ELF2: variants seen among roughly 807,000 people sequenced by gnomAD.
ELF2 encodes ETS-related transcription factor Elf-2.
Under a neutral mutation model 54.8 loss-of-function variants are expected in ELF2, and 11 were observed. The observed-to-expected ratio is 0.20, with a 90% CI of 0.13 to 0.33. The LOEUF is 0.33. ELF2 is among the 10% of genes least tolerant of loss of function. The pLI is 1.00. For missense variants in ELF2, 513 were observed against 703.0 expected (o/e 0.73, Z 3.06); for synonymous variants, 203 against 245.1 (o/e 0.83, Z 1.61).
intron 4 of ELF2, among the ~76,000 whole-genome samples, chr4:139,073,997 A>T (rs547682886): frequency 6.6e-6 from 1 of 152,210 alleles, no homozygotes; most frequent in South Asian, 2.1e-4. Flanking sequence ...GCGTGGTGGC[A>T]CATGCCTGTA....
At position 139,139,426 on chromosome 4, in the gene ELF2, A is replaced by G; in HGVS notation, c.-180T>C. 3 of 1,229,146 alleles carry G rather than the reference A, an allele frequency of 2.4e-6. No individual in the cohort carries two copies. The highest frequency in any genetic ancestry group is 3.1e-4 in the Middle Eastern group (1 of 3,194). 76.1% of individuals were successfully genotyped at this position (1,229,146 alleles called of 1,614,324 possible). ...AATTTTACTTACAGTTTGTATGTTA[A>G]GTAGTCTAAGCATCCTTCACTATTT... On this transcript the variant is annotated 5_prime_UTR_variant, in exon 2 of 10. Coordinates refer to ENST00000686138, the MANE Select transcript of ELF2 (RefSeq NM_001331036.3).
chr4:139,094,423 T>C (rs548960347), intron 4 of ELF2, among the ~76,000 whole-genome samples: 2 of 152,292 alleles, frequency 1.3e-5, no homozygotes, highest in Admixed American at 6.5e-5. Context: ...TTGGAGTGGT[T>C]TGCAGCACGA....
At chr4:139,171,633 A>C (rs572163450) in intron 1 of ELF2, among the ~76,000 whole-genome samples, 2 of 151,616 alleles carry the variant, frequency 1.3e-5, no homozygotes, top group East Asian at 3.9e-4. Flanking sequence ...CAACAAATTA[A>C]CAAAATCAGG....
chr4:139,090,224 G>C lies in ELF2; in HGVS notation c.239-16657C>G, dbSNP rs78540305. ...CTATAGGCACACACCACCACACCCA[G>C]CTTATCAGTACAATTTTAATTTGAT... On this transcript the variant is annotated intron_variant, in intron 4 of 9. Transcript: ENST00000686138. 3.3e-3 allele frequency among the ~76,000 whole-genome samples: 510 copies of C among 152,250 alleles called. 3 individuals carry two copies. The highest frequency in any genetic ancestry group is 0.011 in the African/African-American group (474 of 41,526).
chr4:139,150,964 C>CAGCGAGCCG (rs1671976454), intron 1 of ELF2, among the ~76,000 whole-genome samples: 1 of 121,050 alleles, frequency 8.3e-6, no homozygotes, highest in Non-Finnish European at 1.8e-5. Context: ...GGCGAGCTTG[C>CAGCGAGCCG]AGTGAGCCGA....
chr4:139,171,252 G>A (rs1480532598), intron 1 of ELF2, among the ~76,000 whole-genome samples: 2 of 152,112 alleles, frequency 1.3e-5, no homozygotes, highest in East Asian at 1.9e-4. Context: ...AAATTAACCG[G>A]GCATGGTGGT....
At chr4:139,155,565 T>G (rs562928385) in intron 1 of ELF2, 1 of 152,270 alleles carries the variant, frequency 6.6e-6, no homozygotes, top group South Asian at 2.1e-4. Flanking sequence ...GACAACATAG[T>G]GAGACTGCAT....
At chr4:139,107,332 A>T (rs1734515453) in intron 4 of ELF2, among the ~76,000 whole-genome samples, 1 of 152,188 alleles carries the variant, frequency 6.6e-6, no homozygotes, top group East Asian at 1.9e-4. Flanking sequence ...TTCACAGACA[A>T]CTACCCTCTT....
intron 1 of ELF2, among the ~76,000 whole-genome samples, chr4:139,160,829 G>T (rs1741060549): frequency 6.6e-6 from 1 of 152,042 alleles, no homozygotes; most frequent in Non-Finnish European, 1.5e-5. Context: ...CGGGCATAGT[G>T]GCTCACACCT....
chr4:139,089,822 T>C (rs764211127), intron 4 of ELF2, among the ~76,000 whole-genome samples: 1 of 152,256 alleles, frequency 6.6e-6, no homozygotes, highest in Non-Finnish European at 1.5e-5. Flanking sequence ...ATAGTTTCCA[T>C]TTCTCACTTT....
chr4:139,151,031 AAAAAGAAAGAAAGAAAGAAAG>A (rs1560870974), intron 1 of ELF2, among the ~76,000 whole-genome samples: 2 of 118,340 alleles, frequency 1.7e-5, no homozygotes, highest in Non-Finnish European at 3.5e-5. Flanking sequence ...CTCAAAAAAA[AAAAAGAAAGAAAGAAAGAAAG>A]AAAGAAAGAA....
chr4:139,128,552 A>G (rs1346678949), intron 3 of ELF2, among the ~76,000 whole-genome samples: 1 of 147,988 alleles, frequency 6.8e-6, no homozygotes, highest in Middle Eastern at 3.3e-3. Context: ...GACAGGGTCT[A>G]GCTCTGTCGC....
Position 139,059,555 on chromosome 4 carries a change from T to C in ELF2, c.1210A>G (p.Lys404Glu). 1 of 1,613,664 alleles carries C rather than the reference T, an allele frequency of 6.2e-7. No individual in the cohort carries two copies. The highest frequency in any genetic ancestry group is 8.5e-7 in the Non-Finnish European group (1 of 1,179,874). The change falls in exon 10 of 10, where the codon AAA becomes GAA. Residue 404 changes from lysine (K) to glutamate (E), a missense_variant. This residue lies in a region of ELF2 where 291 missense variants were observed against 366.1 expected (regional missense o/e 0.79). Coordinates refer to ENST00000686138, the MANE Select transcript of ELF2 (RefSeq NM_001331036.3). ...VPVVMTSLGQ[K>E]ISTVAVQSVN... ...GACTGAACTGCCACAGTTGAAATTTTCTGACCCAATGATGTCATTACAACA... is the reference window on the plus strand; with the variant it reads ...GACTGAACTGCCACAGTTGAAATTTCCTGACCCAATGATGTCATTACAACA...
chr4:139,133,049 G>A (rs1737707371), intron 3 of ELF2, among the ~76,000 whole-genome samples: 1 of 151,694 alleles, frequency 6.6e-6, no homozygotes, highest in African/African-American at 2.4e-5. Flanking sequence ...ACCCTCCCAA[G>A]TAGCTGGGAC....
At chr4:139,160,517 A>G (rs1482321773) in intron 1 of ELF2, among the ~76,000 whole-genome samples, 2 of 152,186 alleles carry the variant, frequency 1.3e-5, no homozygotes, top group African/African-American at 2.4e-5. Context: ...GTTATAGACA[A>G]GGTAAAACAA....
intron 3 of ELF2, among the ~76,000 whole-genome samples, chr4:139,129,000 G>A (rs543179073): frequency 1.3e-5 from 2 of 149,930 alleles, no homozygotes; most frequent in Non-Finnish European, 3.0e-5. Flanking sequence ...GTGCAATGGC[G>A]CAATCTTGAC....
intron 1 of ELF2, among the ~76,000 whole-genome samples, chr4:139,156,914 A>T (rs539989949): frequency 4.5e-4 from 68 of 152,180 alleles, no homozygotes; most frequent in Non-Finnish European, 8.8e-4. Flanking sequence ...GATTTCAGGC[A>T]TGAGCCACCA....
chr4:139,150,885 C>CT (rs990187679), intron 1 of ELF2, among the ~76,000 whole-genome samples: 6 of 151,556 alleles, frequency 4.0e-5, no homozygotes, highest in African/African-American at 9.7e-5. Flanking sequence ...ATTAGCCGGG[C>CT]TTGGTGGCGG....
In ELF2 at chr4:139,092,366, TCATAACGTAA is replaced by T. The variant is rs761785901; in HGVS notation, c.239-18809_239-18800del. On this transcript the variant is annotated intron_variant, in intron 4 of 9. Coordinates refer to ENST00000686138, the MANE Select transcript of ELF2 (RefSeq NM_001331036.3). ...ACAGAGTGACACTCCATCTCAGAAA[TCATAACGTAA>T]CATAACATAACATAACATAACATAA... is the stretch of plus-strand genomic sequence containing the variant. Among the ~76,000 whole-genome samples, 237 of 49,026 alleles carry T rather than the reference TCATAACGTAA, an allele frequency of 4.8e-3. 3 individuals carry two copies. Among genetic ancestry groups the T allele is most frequent in the African/African-American group, 0.013 (177 of 13,658 alleles). The allele number at this position is 49,026 out of a possible 152,430, so 32.2% of individuals were successfully genotyped here.
Sources: allele counts gnomAD v4.1 joint callset (sites outside exome capture counted in the v4.1 genomes callset), GRCh38; gene constraint gnomAD v4.1.1; regional missense constraint gnomAD v4.1.1; transcripts MANE v1.5; gene names NCBI Gene and HGNC (gene_info 2026-07-23, HGNC 2026-07-21).